Variants in AR observed in about 807,000 individuals in gnomAD.
AR encodes dihydrotestosterone receptor.
AR carries 8 observed loss-of-function variants against 53.9 expected under a neutral mutation model. That is an observed-to-expected ratio of 0.15 (90% CI 0.09 to 0.27). AR has a LOEUF of 0.27. AR is among the 10% of genes least tolerant of loss of function. AR has a pLI of 1.00. For missense variants in AR, 639 were observed against 742.5 expected (o/e 0.86, Z 1.62); for synonymous variants, 359 against 316.4 (o/e 1.13, Z -1.43).
chrX:67,631,806 G>A (rs1441220883), intron 1 of AR, among the ~76,000 whole-genome samples: 1 of 112,258 alleles, frequency 8.9e-6, no homozygotes, highest in Non-Finnish European at 1.9e-5. Flanking sequence ...GTGATGTACA[G>A]ATGGGTTTTT....
chrX:67,620,320 G>A (rs756143411), intron 1 of AR, among the ~76,000 whole-genome samples: 4 of 109,254 alleles, frequency 3.7e-5, no homozygotes, highest in African/African-American at 1.3e-4. Context: ...GGTAAATGCT[G>A]CTTTTCTGCC....
chrX:67,722,543 G>A (rs891458925), intron 6 of AR, among the ~76,000 whole-genome samples: 2 of 112,082 alleles, frequency 1.8e-5, no homozygotes, highest in Non-Finnish European at 3.8e-5. Flanking sequence ...TGACATAAAA[G>A]CTTAGGTCCT....
At chrX:67,617,416 A>C (rs1924175204) in intron 1 of AR, among the ~76,000 whole-genome samples, 1 of 111,717 alleles carries the variant, frequency 9.0e-6, no homozygotes, top group Non-Finnish European at 1.9e-5. Flanking sequence ...CACCAAATAT[A>C]ATTTTATTGA....
chrX:67,706,838 G>T (rs1030592260), intron 3 of AR, among the ~76,000 whole-genome samples: 1 of 111,793 alleles, frequency 8.9e-6, no homozygotes, highest in Non-Finnish European at 1.9e-5. Flanking sequence ...AGAGATTCTG[G>T]TATGTTGTGT....
At chrX:67,670,980 G>A (rs749100615) in intron 2 of AR, among the ~76,000 whole-genome samples, 2 of 111,634 alleles carry the variant, frequency 1.8e-5, no homozygotes, top group East Asian at 2.8e-4. Context: ...TATGTGCCAC[G>A]TTTTCTTTAT....
intron 1 of AR, among the ~76,000 whole-genome samples, chrX:67,596,897 A>T (rs1407780898): frequency 8.9e-6 from 1 of 111,804 alleles, no homozygotes; most frequent in African/African-American, 3.2e-5. Context: ...TTTAGGTACC[A>T]TATGCTGAAC....
At chrX:67,651,802 G>A (rs1356456251) in intron 2 of AR, among the ~76,000 whole-genome samples, 3 of 111,847 alleles carry the variant, frequency 2.7e-5, no homozygotes, top group Non-Finnish European at 5.6e-5. Context: ...TTAGATGTGC[G>A]AGGGACATGT....
Position 67,555,084 on chromosome X carries a change from ACAAAAACCAAACAAC to A in AR, c.1616+8336_1616+8350del, listed in dbSNP as rs1930140633. Among the ~76,000 whole-genome samples the A allele has an allele frequency of 2.7e-5, 3 of 111,096 alleles. No homozygotes were observed. In the South Asian group the frequency reaches 1.1e-3, roughly 42 times the overall value. On this transcript the variant is annotated intron_variant, in intron 1 of 7. Coordinates refer to ENST00000374690, the MANE Select transcript of AR (RefSeq NM_000044.6). Reference sequence around the variant, plus strand: ...TTATAGCCACTAAAAACAAAAACAAACAAAAACCAAACAACCAAAAACCAAACAGAAATGCAGTAT... The same window carrying A: ...TTATAGCCACTAAAAACAAAAACAAACAAAAACCAAACAGAAATGCAGTAT...
At chrX:67,569,119 TTATC>T (rs1286138365) in intron 1 of AR, 22 of 1,001,113 alleles carry the variant, frequency 2.2e-5, no homozygotes, top group Non-Finnish European at 2.5e-5. Context: ...AGCCATGACA[TTATC>T]TATTAGGCAT....
chrX:67,704,226 C>T (rs1254497855), intron 3 of AR, among the ~76,000 whole-genome samples: 1 of 112,146 alleles, frequency 8.9e-6, no homozygotes, highest in African/African-American at 3.2e-5. Flanking sequence ...ACCACACTGA[C>T]TTCCACAATG....
rs748374086 is a variant in AR, at chrX:67,665,076, T to C, written c.1769-20934T>C. Among the ~76,000 whole-genome samples the C allele has an allele frequency of 1.1e-3, 130 of 113,173 alleles. 1 individual carries two copies. The highest frequency in any genetic ancestry group is 4.0e-3 in the African/African-American group (125 of 31,253). On this transcript the variant is annotated intron_variant, in intron 2 of 7. Coordinates refer to ENST00000374690, the MANE Select transcript of AR (RefSeq NM_000044.6). ...CCCTTGTGCTTCCTGGGTGAGGCGA[T>C]GTCTCGCCCTGCTTTGGCTCATGCT...
rs762688923 is a variant in AR, at chrX:67,574,304, TCTC to T, written c.1616+27547_1616+27549del. 7.2e-5 allele frequency among the ~76,000 whole-genome samples: 8 copies of T among 111,214 alleles called. No individual in the cohort carries two copies. In the South Asian group the frequency reaches 3.0e-3, roughly 42 times the overall value. On this transcript the variant is annotated intron_variant, in intron 1 of 7. Transcript: ENST00000374690. Reference sequence around the variant, plus strand: ...ACTTGGATCTGGCTTTCATTCCCCTTCTCCTCCCACCCTCTAAAACAACAGAGG... The same window carrying T: ...ACTTGGATCTGGCTTTCATTCCCCTTCTCCCACCCTCTAAAACAACAGAGG...
intron 1 of AR, among the ~76,000 whole-genome samples, chrX:67,601,363 C>T (rs1020072822): frequency 1.8e-5 from 2 of 111,354 alleles, no homozygotes; most frequent in African/African-American, 6.5e-5. Flanking sequence ...TTTATGTCTC[C>T]CAAGGAGAGT....
intron 1 of AR, among the ~76,000 whole-genome samples, chrX:67,620,601 C>G (rs767416270): frequency 6.3e-5 from 7 of 111,593 alleles, no homozygotes; most frequent in Non-Finnish European, 9.4e-5. Context: ...TTAGGTTCAT[C>G]TTGTGCCCAA....
At chrX:67,680,027 A>G (rs1475700304) in intron 2 of AR, among the ~76,000 whole-genome samples, 3 of 112,420 alleles carry the variant, frequency 2.7e-5, no homozygotes, top group Non-Finnish European at 3.8e-5. Flanking sequence ...AATAGTACTT[A>G]CATGATTTCC....
chrX:67,617,313 C>T (rs1924171077), intron 1 of AR, among the ~76,000 whole-genome samples: 1 of 111,366 alleles, frequency 9.0e-6, no homozygotes, highest in Admixed American at 9.5e-5. Context: ...CATGCATGCC[C>T]ACCACCATGG....
chrX:67,673,812 G>A (rs1439595973), intron 2 of AR, among the ~76,000 whole-genome samples: 1 of 110,920 alleles, frequency 9.0e-6, no homozygotes, highest in African/African-American at 3.3e-5. Flanking sequence ...AGTTCATTTT[G>A]TGAGGTCATG....
At chrX:67,721,665 A>G (rs1286895907) in intron 5 of AR, among the ~76,000 whole-genome samples, 168 bp from the exon 6 acceptor site, 1 of 111,580 alleles carries the variant, frequency 9.0e-6, no homozygotes, top group Non-Finnish European at 1.9e-5. Context: ...AAAACAAACA[A>G]ACAGACAAAC....
chrX:67,628,544 A>C (rs1486266232), intron 1 of AR, among the ~76,000 whole-genome samples: 32 of 108,504 alleles, frequency 2.9e-4, no homozygotes, highest in African/African-American at 1.1e-3. Flanking sequence ...GGGCTGAGAC[A>C]ACGGGGTTTT....
Sources: allele counts gnomAD v4.1 joint callset (sites outside exome capture counted in the v4.1 genomes callset), GRCh38; gene constraint gnomAD v4.1.1; transcripts MANE v1.5; gene names NCBI Gene and HGNC (gene_info 2026-07-23, HGNC 2026-07-21).